OVCH2: variants seen among roughly 807,000 people sequenced by gnomAD.
The protein encoded by OVCH2 is ovochymase-2.
A neutral mutation model predicts 73.7 loss-of-function variants in OVCH2; 88 were observed. That is an observed-to-expected ratio of 1.19 (90% CI 1.01 to 1.43). The LOEUF is 1.43. Among genes scored for constraint, OVCH2 ranks in the 40% most tolerant of loss-of-function variants. The pLI is 0.00. For missense variants in OVCH2, 706 were observed against 674.5 expected (o/e 1.05, Z -0.52); for synonymous variants, 265 against 234.5 (o/e 1.13, Z -1.19).
intron 12 of OVCH2, among the ~76,000 whole-genome samples, chr11:7,693,681 T>A (rs956128280): frequency 2.0e-5 from 3 of 152,196 alleles, no homozygotes; most frequent in African/African-American, 7.2e-5. Context: ...CCAAATCTGT[T>A]TAGGTTTGAT....
At chr11:7,691,614 G>A (rs1856222778) in intron 13 of OVCH2, among the ~76,000 whole-genome samples, 2 of 152,188 alleles carry the variant, frequency 1.3e-5, no homozygotes, top group African/African-American at 2.4e-5. Context: ...ACACAATGAT[G>A]TTAAGGGAAC....
downstream of OVCH2, among the ~76,000 whole-genome samples, chr11:7,687,040 C>T (rs1361075464): frequency 6.6e-6 from 1 of 151,940 alleles, no homozygotes; most frequent in Non-Finnish European, 1.5e-5. Context: ...GGTGGGGATT[C>T]TAAGCTGCTA....
At chr11:7,696,168 A>G (rs896438589) in intron 10 of OVCH2, among the ~76,000 whole-genome samples, 1 of 152,230 alleles carries the variant, frequency 6.6e-6, no homozygotes, top group Non-Finnish European at 1.5e-5. Context: ...CTGTCTGGAC[A>G]TCCTGAGAGG....
chr11:7,702,878 A>G (rs1416312377), intron 3 of OVCH2, among the ~76,000 whole-genome samples: 1 of 152,182 alleles, frequency 6.6e-6, no homozygotes, highest in African/African-American at 2.4e-5. Context: ...TCATTCCCAG[A>G]AGTGATGCTT....
At chr11:7,679,705 A>T in the OVCH2 span, among the ~76,000 whole-genome samples, 3 of 152,188 alleles carry the variant, frequency 2.0e-5, no homozygotes, top group Non-Finnish European at 4.4e-5. Context: ...AGTCTCAGGG[A>T]TGTTCTTTGT....
downstream of OVCH2, among the ~76,000 whole-genome samples, chr11:7,685,720 T>C (rs1856135424): frequency 6.6e-6 from 1 of 151,816 alleles, no homozygotes; most frequent in Admixed American, 6.6e-5. Context: ...GATATCTTTA[T>C]CTTGTGTCTT....
rs756430695 is a variant in OVCH2 at position 7,703,778 on chromosome 11, T to C, written c.210A>G (p.Lys70=). The C allele has an allele frequency of 1.2e-6, 2 of 1,606,704 alleles. No individual in the cohort carries two copies. The highest frequency in any genetic ancestry group is 2.7e-5 in the African/African-American group (2 of 74,822). ...CTCCACAAATATGCTTCTGCCTTTGTTTCAGAGATACCTAAATTGCAAATA... is the reference window on the plus strand; with the variant it reads ...CTCCACAAATATGCTTCTGCCTTTGCTTCAGAGATACCTAAATTGCAAATA... ...KGSYPWQVSL[K]QRQKHICGGS... is the part of the protein sequence containing the mutation. Residue 70 remains lysine, a synonymous_variant, in exon 3 of 16, where the codon AAA becomes AAG. Transcript: ENST00000533663.
chr11:7,699,350 T>C (rs1856392784), intron 7 of OVCH2: 1 of 152,408 alleles, frequency 6.6e-6, no homozygotes, highest in Admixed American at 6.5e-5. Flanking sequence ...CTGTGGGGGA[T>C]TGGTTTCAGA....
At chr11:7,687,658 T>C (rs1856157434), downstream of OVCH2, among the ~76,000 whole-genome samples, 1 of 152,184 alleles carries the variant, frequency 6.6e-6, no homozygotes, top group Non-Finnish European at 1.5e-5. Context: ...TTTCCCATTG[T>C]TATGTTACTA....
chr11:7,702,095 T>C (rs2136162017), intron 4 of OVCH2, 62 bp downstream of exon 4: 11 of 1,407,418 alleles, frequency 7.8e-6, no homozygotes, highest in Non-Finnish European at 1.1e-5. Context: ...GGAAATGTGC[T>C]ATGGCACAGA....
chr11:7,678,859 C>T, the OVCH2 span, among the ~76,000 whole-genome samples: 12 of 152,240 alleles, frequency 7.9e-5, no homozygotes, highest in African/African-American at 2.9e-4. Flanking sequence ...CTGGGTCACG[C>T]GATCATTTGT....
At position 7,689,586 on chromosome 11, in the gene OVCH2, C is replaced by T. The variant is rs1286827706; in HGVS notation, c.*48G>A. The T allele has an allele frequency of 2.1e-6, 1 of 466,806 alleles. No individual in the cohort carries two copies. The highest frequency in any genetic ancestry group is 6.6e-5 in the East Asian group (1 of 15,096). 28.9% of individuals were successfully genotyped at this position (466,806 alleles called of 1,614,324 possible). On this transcript the variant is annotated 3_prime_UTR_variant, in exon 16 of 16. Transcript: ENST00000533663. ...TAGCTTCTGGTGGTTTACTGACAGT[C>T]ACTGGTGCCCCTTGGCCTGTAGATA...
In OVCH2 at chr11:7,695,175, A is replaced by G. The variant is rs749852023; in HGVS notation, c.1296T>C (p.Ser432=). ...CTTCTTCAAAAAGGACAGTTAAGTAACTGCAACCTGAATCTGAAACGTAAG... is the reference window on the plus strand; with the variant it reads ...CTTCTTCAAAAAGGACAGTTAAGTAGCTGCAACCTGAATCTGAAACGTAAG... ...KPNYIPDSGC[S]YLTVLFEEGL... is the part of the protein sequence containing the mutation. Residue 432 remains serine, a synonymous_variant, in exon 12 of 16, where the codon AGT becomes AGC. Coordinates refer to ENST00000533663, the MANE Select transcript of OVCH2 (RefSeq NM_198185.7). The G allele has an allele frequency of 1.3e-6, 2 of 1,557,586 alleles. No homozygotes were observed. The highest frequency in any genetic ancestry group is 1.7e-6 in the Non-Finnish European group (2 of 1,152,360).
At chr11:7,681,369 C>T in the OVCH2 span, among the ~76,000 whole-genome samples, 4 of 152,192 alleles carry the variant, frequency 2.6e-5, no homozygotes, top group African/African-American at 9.7e-5. Flanking sequence ...TCAACCATTA[C>T]TTATGCAACA....
At chr11:7,685,157 G>A (rs1856128888), downstream of OVCH2, among the ~76,000 whole-genome samples, 1 of 152,128 alleles carries the variant, frequency 6.6e-6, no homozygotes, top group Non-Finnish European at 1.5e-5. Context: ...GGAGAGTGGG[G>A]GCACACAGAG....
chr11:7,696,625 A>G (rs1053656853), intron 9 of OVCH2, 36 bp from the exon 10 acceptor site: 1 of 1,613,830 alleles, frequency 6.2e-7, no homozygotes. Flanking sequence ...TTATTTCTAG[A>G]CAGAAAACGA....
chr11:7,684,505 T>TAC (rs1590897995), downstream of OVCH2, among the ~76,000 whole-genome samples: 1 of 85,026 alleles, frequency 1.2e-5, no homozygotes, highest in African/African-American at 5.7e-5. Context: ...CATACATACA[T>TAC]ATGTGTGTGT....
At chr11:7,691,541 C>T (rs992419734) in intron 13 of OVCH2, 141 bp from the exon 14 acceptor site, 6 of 1,140,912 alleles carry the variant, frequency 5.3e-6, no homozygotes, top group African/African-American at 1.6e-5. Context: ...TAAATAAAGG[C>T]AGCTCACTCC....
At chr11:7,695,272 A>C in intron 11 of OVCH2, 84 bp from the exon 12 acceptor site, 1 of 1,405,784 alleles carries the variant, frequency 7.1e-7, no homozygotes, top group Non-Finnish European at 9.5e-7. Context: ...TCTCCTGAAA[A>C]TGATGCATAT....
Sources: gnomAD v4.1 joint callset for allele counts (sites outside exome capture counted in the v4.1 genomes callset) on GRCh38, gnomAD v4.1.1 for gene constraint, MANE v1.5 for transcripts, NCBI Gene and HGNC (gene_info 2026-07-23, HGNC 2026-07-21) for gene names.